Variants in ODAD2 observed in about 807,000 individuals in gnomAD.
The protein encoded by ODAD2 is outer dynein arm docking complex subunit 2.
A neutral mutation model predicts 106.8 loss-of-function variants in ODAD2; 89 were observed. That is an observed-to-expected ratio of 0.83 (90% CI 0.70 to 0.99). ODAD2 has a LOEUF of 0.99. Ranked by LOEUF, ODAD2 falls within the 50% of genes least tolerant of loss-of-function variation. The probability of loss-of-function intolerance (pLI) is 0.00; values close to 1 mark genes in which losing one functional copy is unlikely to be tolerated. For missense variants in ODAD2, 1,168 were observed against 1,238.5 expected, an observed-to-expected ratio of 0.94 and a Z score of 0.85; for synonymous variants, 404 against 436.2, an observed-to-expected ratio of 0.93 and a Z score of 0.92.
chr10:27,912,083 C>T, intron 16 of ODAD2, among the ~76,000 whole-genome samples: 1 of 152,188 alleles, frequency 6.6e-6, no homozygotes, highest in East Asian at 1.9e-4. Context: ...CTCAGAATTT[C>T]TTGACAACTT....
chr10:27,821,698 T>A (rs1836625491), intron 19 of ODAD2, among the ~76,000 whole-genome samples: 1 of 152,226 alleles, frequency 6.6e-6, no homozygotes, highest in Non-Finnish European at 1.5e-5. Context: ...AAGGAATAGT[T>A]TTCTCAGGAA....
At chr10:27,885,728 TAA>T (rs1165493264) in intron 17 of ODAD2, among the ~76,000 whole-genome samples, 969 of 39,406 alleles carry the variant, frequency 0.025, 51 homozygotes, top group African/African-American at 0.068. Flanking sequence ...ATATTATATA[TAA>T]AATATATTAT....
intron 2 of ODAD2, among the ~76,000 whole-genome samples, chr10:27,991,460 GT>G (rs1240384416): frequency 6.6e-6 from 1 of 152,180 alleles, no homozygotes; most frequent in African/African-American, 2.4e-5. Flanking sequence ...TAAAGTATCA[GT>G]TTCAGTATCA....
At chr10:27,832,035 A>C (rs1238099956) in intron 19 of ODAD2, among the ~76,000 whole-genome samples, 3 of 152,224 alleles carry the variant, frequency 2.0e-5, no homozygotes, top group African/African-American at 7.2e-5. Flanking sequence ...TGAAGGCTGG[A>C]CCACATACTT....
intron 17 of ODAD2, among the ~76,000 whole-genome samples, chr10:27,867,383 T>C (rs1840520653): frequency 6.6e-6 from 1 of 152,136 alleles, no homozygotes; most frequent in South Asian, 2.1e-4. Flanking sequence ...GTTCCATGAA[T>C]TGGTAAAACT....
rs762796360 is a variant in ODAD2, at chr10:27,892,804, C to T, written c.2610+14859G>A. 3.9e-5 allele frequency among the ~76,000 whole-genome samples: 6 copies of T among 152,306 alleles called. No individual in the cohort carries two copies. The South Asian group carries it at 8.3e-4, about 21-fold the overall frequency. ...ACTGAAGTCTTTGATTCTGCTACTT[C>T]GTTGCCTGGCTCAATCACTGATAGG... is the stretch of plus-strand genomic sequence containing the variant. On this transcript the variant is annotated intron_variant, in intron 17 of 19. Transcript: ENST00000305242.
chr10:27,875,677 G>A (rs967083821), intron 17 of ODAD2, among the ~76,000 whole-genome samples: 2 of 152,192 alleles, frequency 1.3e-5, no homozygotes, highest in African/African-American at 2.4e-5. Flanking sequence ...TCATCTCACT[G>A]AGTCTTGTTG....
intron 17 of ODAD2, among the ~76,000 whole-genome samples, chr10:27,882,893 G>T (rs1232654423): frequency 1.3e-5 from 2 of 151,486 alleles, no homozygotes; most frequent in African/African-American, 4.9e-5. Context: ...TATCCCTAGA[G>T]TGTTTGTTAT....
At chr10:27,882,012 A>C (rs1257128667) in intron 17 of ODAD2, among the ~76,000 whole-genome samples, 1 of 151,672 alleles carries the variant, frequency 6.6e-6, no homozygotes, top group Non-Finnish European at 1.5e-5. Flanking sequence ...CTGAAAGTAC[A>C]AAAAACACTA....
intron 17 of ODAD2, among the ~76,000 whole-genome samples, chr10:27,894,233 C>T (rs1842727842): frequency 6.6e-6 from 1 of 151,634 alleles, no homozygotes; most frequent in Non-Finnish European, 1.5e-5. Flanking sequence ...ATAGAACTTA[C>T]AAAATATTCA....
chr10:27,913,439 A>G (rs1304048816), intron 16 of ODAD2, among the ~76,000 whole-genome samples: 1 of 152,126 alleles, frequency 6.6e-6, no homozygotes, highest in Non-Finnish European at 1.5e-5. Flanking sequence ...AGCTCTATGC[A>G]TGTTGTTGCA....
At chr10:27,953,077 A>G (rs911045209) in intron 10 of ODAD2, among the ~76,000 whole-genome samples, 2 of 152,176 alleles carry the variant, frequency 1.3e-5, no homozygotes, top group Non-Finnish European at 2.9e-5. Flanking sequence ...TATAAATCCA[A>G]CACCTGTGCA....
chr10:27,972,136 CACA>C (rs1848904058), intron 7 of ODAD2, among the ~76,000 whole-genome samples: 1 of 152,058 alleles, frequency 6.6e-6, no homozygotes, highest in African/African-American at 2.4e-5. Context: ...ACAACAATAA[CACA>C]AAGTATAGGG....
At chr10:27,929,519 T>A (rs1845469772) in intron 16 of ODAD2, among the ~76,000 whole-genome samples, 2 of 152,290 alleles carry the variant, frequency 1.3e-5, no homozygotes, top group South Asian at 4.1e-4. Context: ...TTCAAAGGTT[T>A]CCACTGGTAT....
intron 18 of ODAD2, 93 bp downstream of exon 18, chr10:27,862,341 C>A: frequency 9.9e-7 from 1 of 1,007,912 alleles, no homozygotes. Flanking sequence ...AAACTTGAAT[C>A]CAGGTTTCTG....
intron 12 of ODAD2, among the ~76,000 whole-genome samples, chr10:27,943,898 C>A (rs1846652756): frequency 6.6e-6 from 1 of 150,944 alleles, no homozygotes; most frequent in Admixed American, 6.6e-5. Context: ...AGCATTCCAC[C>A]GAGCAGCAGG....
At position 27,948,779 on chromosome 10, in the gene ODAD2, A is replaced by ATTTTT. The variant is rs11451204; in HGVS notation, c.1387-3822_1387-3818dup. ...ATCTCCAGGCTCTGTTGGCCTTTGGATTTTTTTTTTTTTTTTTTTTTTTTG... is the reference window on the plus strand; with the variant it reads ...ATCTCCAGGCTCTGTTGGCCTTTGGATTTTTTTTTTTTTTTTTTTTTTTTTTTTTG... On this transcript the variant is annotated intron_variant, in intron 10 of 19. Transcript: ENST00000305242. 2.9e-3 allele frequency among the ~76,000 whole-genome samples: 116 copies of ATTTTT among 40,326 alleles called. 5 individuals are homozygous for ATTTTT. The highest frequency in any genetic ancestry group is 6.8e-3 in the African/African-American group (66 of 9,734). The allele number at this position is 40,326 out of a possible 152,430, so 26.5% of individuals were successfully genotyped here.
intron 17 of ODAD2, among the ~76,000 whole-genome samples, chr10:27,874,515 G>A (rs553118858): frequency 6.6e-6 from 1 of 152,216 alleles, no homozygotes; most frequent in South Asian, 2.1e-4. Context: ...TCCATGTTTA[G>A]TGCTTCCTTC....
At chr10:27,909,009 A>G (rs1843795225) in intron 16 of ODAD2, among the ~76,000 whole-genome samples, 1 of 152,200 alleles carries the variant, frequency 6.6e-6, no homozygotes, top group African/African-American at 2.4e-5. Flanking sequence ...AAACAGTTTT[A>G]TTTCTCAATT....
Sources: gnomAD v4.1 joint callset for allele counts (sites outside exome capture counted in the v4.1 genomes callset) on GRCh38, gnomAD v4.1.1 for gene constraint, MANE v1.5 for transcripts, NCBI Gene and HGNC (gene_info 2026-07-23, HGNC 2026-07-21) for gene names.